Variants in MRPL42 observed in about 807,000 individuals in gnomAD.
MRPL42 encodes the protein large ribosomal subunit protein mL42.
Under a neutral mutation model 17.9 loss-of-function variants are expected in MRPL42, and 17 were observed. The ratio of observed to expected loss-of-function variants is 0.95; its 90% CI spans 0.65 to 1.42. The LOEUF is 1.42. MRPL42 is among the 40% of genes most tolerant of loss of function. The pLI is 0.00. For synonymous variants in MRPL42, 59 were observed against 54.4 expected, an observed-to-expected ratio of 1.08 and a Z score of -0.37; for missense variants, 177 against 175.2, an observed-to-expected ratio of 1.01 and a Z score of -0.06.
intron 5 of MRPL42, among the ~76,000 whole-genome samples, chr12:93,500,528 T>A: frequency 6.6e-6 from 1 of 152,296 alleles, no homozygotes; most frequent in South Asian, 2.1e-4. Context: ...ATTACTAGTT[T>A]TATTTTATAT....
At position 93,503,970 on chromosome 12, in the gene MRPL42, T is replaced by C. The variant is rs1005403440; in HGVS notation, c.*2749T>C. On this transcript the variant is annotated 3_prime_UTR_variant, in exon 6 of 6. Transcript: ENST00000549982. ...ACATCCTGGTGGATTATTACCATTT[T>C]CTTTTTTTATTTTTTTTTTAAATTT... The C allele has an allele frequency of 2.0e-5, 3 of 149,398 alleles. No homozygotes were observed. Among genetic ancestry groups the C allele is most frequent in the African/African-American group, 7.4e-5 (3 of 40,586 alleles). The allele number at this position is 149,398 out of a possible 1,614,324, so 9.3% of individuals were successfully genotyped here. A position where few individuals can be genotyped will look rare whatever the true frequency, so the allele number is the denominator to read the frequency against.
At chr12:93,488,194 A>T in intron 5 of MRPL42, 1 of 378,762 alleles carries the variant, frequency 2.6e-6, no homozygotes, top group Non-Finnish European at 4.7e-6. Context: ...ATGGTCTCGA[A>T]CTCCTGACCT....
intron 5 of MRPL42, among the ~76,000 whole-genome samples, chr12:93,500,237 C>T (rs1953564490): frequency 6.6e-6 from 1 of 152,066 alleles, no homozygotes; most frequent in African/African-American, 2.4e-5. Flanking sequence ...ACTACTTTTT[C>T]TATATTCCTT....
At chr12:93,501,054 C>T (rs188675788) in intron 5 of MRPL42, 122 bp from the exon 6 acceptor site, 250 of 708,892 alleles carry the variant, frequency 3.5e-4, no homozygotes, top group Admixed American at 1.0e-3. Flanking sequence ...ATGGCTGATA[C>T]GTAGTTTCAT....
intron 5 of MRPL42, among the ~76,000 whole-genome samples, chr12:93,488,850 CT>C (rs908276919): frequency 2.0e-5 from 3 of 150,808 alleles, no homozygotes; most frequent in Admixed American, 6.6e-5. Flanking sequence ...TTTGAACAAA[CT>C]TTTTTTTCTT....
intron 5 of MRPL42, 89 bp from the exon 6 acceptor site, chr12:93,501,087 C>G: frequency 1.0e-6 from 1 of 995,292 alleles, no homozygotes; most frequent in Non-Finnish European, 1.4e-6. Context: ...AAAATAGTTC[C>G]AATAGCAAAA....
intron 2 of MRPL42, among the ~76,000 whole-genome samples, chr12:93,472,546 C>T (rs1443578641): frequency 6.6e-6 from 1 of 151,816 alleles, no homozygotes; most frequent in Non-Finnish European, 1.5e-5. Context: ...CCATTGTACT[C>T]CAGCCTGGGA....
At chr12:93,469,719 A>G (rs1225850206) in intron 2 of MRPL42, among the ~76,000 whole-genome samples, 1 of 152,228 alleles carries the variant, frequency 6.6e-6, no homozygotes, top group Non-Finnish European at 1.5e-5. Flanking sequence ...TGACATGGAA[A>G]GATCTCCAAA....
At chr12:93,474,528 A>G (rs1054547612) in intron 2 of MRPL42, among the ~76,000 whole-genome samples, 1 of 152,074 alleles carries the variant, frequency 6.6e-6, no homozygotes, top group Non-Finnish European at 1.5e-5. Flanking sequence ...TCACCCTCCT[A>G]GGTTCAAGTG....
At chr12:93,475,966 G>A (rs1880152333) in intron 2 of MRPL42, among the ~76,000 whole-genome samples, 1 of 152,004 alleles carries the variant, frequency 6.6e-6, no homozygotes, top group Non-Finnish European at 1.5e-5. Context: ...GGGAGACAGA[G>A]CAAGACTCCG....
Position 93,477,412 on chromosome 12 carries a change from C to T in MRPL42, c.134+395C>T, listed in dbSNP as rs1880230607. ...CTAAATTATACATACTTAATTTAGCCACCATTTATTTGGTACTTATTCAAT... is the reference window on the plus strand; with the variant it reads ...CTAAATTATACATACTTAATTTAGCTACCATTTATTTGGTACTTATTCAAT... On this transcript the variant is annotated intron_variant, in intron 3 of 5. Transcript: ENST00000549982. Among the ~76,000 whole-genome samples the T allele has an allele frequency of 2.0e-5, 3 of 152,074 alleles. No individual in the cohort carries two copies. The South Asian group carries it at 6.2e-4, about 32-fold the overall frequency.
chr12:93,498,036 CTT>C (rs574367784), intron 5 of MRPL42, among the ~76,000 whole-genome samples: 254 of 28,756 alleles, frequency 8.8e-3, no homozygotes, highest in Middle Eastern at 0.039. Context: ...ATAGAACACT[CTT>C]TCTCACAGTA....
At chr12:93,469,002 A>G (rs1405841572) in intron 1 of MRPL42, among the ~76,000 whole-genome samples, 190 bp from the exon 2 acceptor site, 1 of 152,252 alleles carries the variant, frequency 6.6e-6, no homozygotes, top group Non-Finnish European at 1.5e-5. Context: ...ACATAGTTCC[A>G]GTGGTTCTGA....
At chr12:93,474,423 G>C (rs918609191) in intron 2 of MRPL42, among the ~76,000 whole-genome samples, 1 of 150,832 alleles carries the variant, frequency 6.6e-6, no homozygotes, top group Non-Finnish European at 1.5e-5. Flanking sequence ...ACAGGAGTGA[G>C]CCACCACACC....
rs569952311 is a variant in MRPL42, at chr12:93,499,604, CT to C, written c.384-1568del. On this transcript the variant is annotated intron_variant, in intron 5 of 5. Coordinates refer to ENST00000549982, the MANE Select transcript of MRPL42 (RefSeq NM_014050.4). ...TGATTATCTGGTATGTCAATGGAACCTTTTAGAAAAAAACAGAATTTTCTGT... is the reference window on the plus strand; with the variant it reads ...TGATTATCTGGTATGTCAATGGAACCTTTAGAAAAAAACAGAATTTTCTGT... 2.6e-5 allele frequency among the ~76,000 whole-genome samples: 4 copies of C among 151,908 alleles called. No homozygotes were observed. In the South Asian group the frequency reaches 8.3e-4, roughly 32 times the overall value.
At position 93,501,361 on chromosome 12, in the gene MRPL42, T is replaced by TAA. The variant is rs766595347; in HGVS notation, c.*142_*143dup. ...ATATATTAGAATGTGTACTTTTATATAAAGTAATTCTGGATTTGACATTCT... is the reference window on the plus strand; with the variant it reads ...ATATATTAGAATGTGTACTTTTATATAAAAAGTAATTCTGGATTTGACATTCT... On this transcript the variant is annotated 3_prime_UTR_variant, in exon 6 of 6. Coordinates refer to ENST00000549982, the MANE Select transcript of MRPL42 (RefSeq NM_014050.4). The TAA allele has an allele frequency of 6.7e-5, 33 of 492,384 alleles. No individual in the cohort carries two copies. The highest frequency in any genetic ancestry group is 1.0e-4 in the Non-Finnish European group (31 of 295,380). The allele number at this position is 492,384 out of a possible 1,614,324, so 30.5% of individuals were successfully genotyped here. A position where few individuals can be genotyped will look rare whatever the true frequency, so the allele number is the denominator to read the frequency against.
rs953731031 is a variant in MRPL42 at position 93,511,258 on chromosome 12, A to G, written c.*10037A>G. On this transcript the variant is annotated 3_prime_UTR_variant, in exon 6 of 6. Transcript: ENST00000549982. The stretch of plus-strand genomic sequence containing the variant: ...AACTAAATCAACATTTAAATACAGA[A>G]CATAAAGAGATAAATCCAAAACCAG... 6.6e-6 allele frequency: 1 copy of G among 152,220 alleles called. No individual in the cohort carries two copies. Among genetic ancestry groups the G allele is most frequent in the Admixed American group, 6.5e-5 (1 of 15,276 alleles). 9.4% of individuals were successfully genotyped at this position (152,220 alleles called of 1,614,324 possible).
intron 1 of MRPL42, among the ~76,000 whole-genome samples, chr12:93,468,903 GTAAT>G (rs1466504327): frequency 6.6e-6 from 1 of 152,196 alleles, no homozygotes; most frequent in East Asian, 1.9e-4. Flanking sequence ...TGTTTCAAGA[GTAAT>G]TACACATTTA....
chr12:93,500,919 A>G, intron 5 of MRPL42: 1 of 349,142 alleles, frequency 2.9e-6, no homozygotes, highest in Non-Finnish European at 5.2e-6. Context: ...TATTGAGCTT[A>G]TGAATAACCT....
Sources: allele counts gnomAD v4.1 joint callset (sites outside exome capture counted in the v4.1 genomes callset), GRCh38; gene constraint gnomAD v4.1.1; transcripts MANE v1.5; gene names NCBI Gene and HGNC (gene_info 2026-07-23, HGNC 2026-07-21).